TECR: variants seen among roughly 807,000 people sequenced by gnomAD.
TECR encodes very-long-chain enoyl-CoA reductase.
In TECR, 19 loss-of-function variants were observed where a neutral mutation model predicts 50.6. The ratio of observed to expected loss-of-function variants is 0.38; its 90% confidence interval spans 0.26 to 0.55. TECR has a LOEUF of 0.55. Among genes scored for constraint, TECR ranks in the 20% least tolerant of loss-of-function variants. The pLI is 0.79. For missense variants in TECR, 313 were observed against 408.3 expected (o/e 0.77, Z 2.01); for synonymous variants, 168 against 163.5 (o/e 1.03, Z -0.21).
At position 14,563,640 on chromosome 19, in the gene TECR, G is replaced by A; in HGVS notation, c.119-18G>A. The stretch of plus-strand genomic sequence containing the variant: ...CCCTGCCAGGCTGTGGGCTGTAACT[G>A]CCCTGTTCTCCCCGCAGATCCGCAG... On this transcript the variant is annotated intron_variant, in intron 3 of 12. Transcript: ENST00000215567. This position sits in a 1 kb window ranked among gnomAD's most constrained non-coding sequence, Gnocchi z 5.3. 6.2e-7 allele frequency: 1 copy of A among 1,610,726 alleles called. No individual in the cohort carries two copies. The highest frequency in any genetic ancestry group is 8.5e-7 in the Non-Finnish European group (1 of 1,179,828).
At chr19:14,539,130 C>G (rs1042564966) in intron 1 of TECR, among the ~76,000 whole-genome samples, 48 of 148,578 alleles carry the variant, frequency 3.2e-4, no homozygotes, top group African/African-American at 1.1e-3. Flanking sequence ...CCCACCACCA[C>G]GCCCGGCTAA....
chr19:14,563,354 TG>T lies in TECR; in HGVS notation c.118+98del, dbSNP rs373195944. 8.3e-7 allele frequency: 1 copy of T among 1,200,962 alleles called. No homozygotes were observed. The highest frequency in any genetic ancestry group is 1.7e-5 in the African/African-American group (1 of 59,212). The allele number at this position is 1,200,962 out of a possible 1,614,324, so 74.4% of individuals were successfully genotyped here. A position where few individuals can be genotyped will look rare whatever the true frequency, so the allele number is the denominator to read the frequency against. On this transcript the variant is annotated intron_variant, in intron 3 of 12. Coordinates refer to ENST00000215567, the MANE Select transcript of TECR (RefSeq NM_138501.6). This position sits in a 1 kb window ranked among gnomAD's most constrained non-coding sequence, Gnocchi z 5.3. Reference sequence around the variant, plus strand: ...ATCCTGCACCCCTCTCCCAGGGGCCTGCAGAGATGCCCCAGTGTGGCCCAGG... The same window carrying T: ...ATCCTGCACCCCTCTCCCAGGGGCCTCAGAGATGCCCCAGTGTGGCCCAGG...
intron 1 of TECR, among the ~76,000 whole-genome samples, chr19:14,535,506 CAAAAAAAAAAAAAAAAAAAAAAAAA>C (rs1172079027): frequency 5.8e-5 from 1 of 17,178 alleles, no homozygotes; most frequent in Non-Finnish European, 9.1e-5. Flanking sequence ...GACTCCGTCT[CAAAAAAAAAAAAAAAAAAAAAAAAA>C]AAAAAAAAAA....
intron 1 of TECR, among the ~76,000 whole-genome samples, chr19:14,546,331 A>G (rs1176024535): frequency 6.6e-6 from 1 of 151,938 alleles, no homozygotes; most frequent in Non-Finnish European, 1.5e-5. Context: ...TCACACCTGT[A>G]ATTTCAGCAC....
intron 1 of TECR, among the ~76,000 whole-genome samples, chr19:14,542,347 G>GGTTTTT (rs2073124658): frequency 2.5e-4 from 11 of 43,300 alleles, no homozygotes; most frequent in African/African-American, 8.1e-4. Context: ...ATGCCATAGT[G>GGTTTTT]TTTTTTTTTT....
chr19:14,554,692 T>C (rs2073655833), intron 1 of TECR, among the ~76,000 whole-genome samples: 1 of 152,108 alleles, frequency 6.6e-6, no homozygotes, highest in Non-Finnish European at 1.5e-5. Context: ...TCCTTCCCTG[T>C]ACCTCTCATC....
intron 1 of TECR, among the ~76,000 whole-genome samples, chr19:14,555,468 CAGAG>C (rs1407231963): frequency 1.1e-5 from 1 of 93,506 alleles, no homozygotes; most frequent in African/African-American, 4.3e-5. Context: ...TTTTTTTAGA[CAGAG>C]CCTCACTCTA....
chr19:14,542,287 A>C (rs1226904887), intron 1 of TECR, among the ~76,000 whole-genome samples: 3 of 149,076 alleles, frequency 2.0e-5, no homozygotes, highest in Non-Finnish European at 4.4e-5. Context: ...TTTTACCTAA[A>C]AGATTCCCTA....
intron 7 of TECR, among the ~76,000 whole-genome samples, chr19:14,564,499 GGCCT>G (rs201955901): frequency 0.33 from 24,399 of 73,254 alleles, 4,763 homozygotes; most frequent in Non-Finnish European, 0.38. Context: ...CGGGCCCCTA[GGCCT>G]GCCTATCCAC....
chr19:14,552,691 T>G (rs1359105839), intron 1 of TECR, among the ~76,000 whole-genome samples: 2 of 151,950 alleles, frequency 1.3e-5, no homozygotes, highest in Non-Finnish European at 2.9e-5. Context: ...CCCGCCACCA[T>G]GCCCGGCTAA....
chr19:14,556,908 C>T (rs2073747336), intron 1 of TECR, among the ~76,000 whole-genome samples: 2 of 152,218 alleles, frequency 1.3e-5, no homozygotes, highest in South Asian at 4.1e-4. Flanking sequence ...GCCTCTGCAC[C>T]GAAAGTATCT....
At chr19:14,549,652 A>C (rs2073425790) in intron 1 of TECR, among the ~76,000 whole-genome samples, 1 of 151,824 alleles carries the variant, frequency 6.6e-6, no homozygotes, top group Non-Finnish European at 1.5e-5. Flanking sequence ...GCCTCTTTAT[A>C]AAATACTGTA....
At chr19:14,538,392 G>T (rs1370465699) in intron 1 of TECR, among the ~76,000 whole-genome samples, 1 of 152,110 alleles carries the variant, frequency 6.6e-6, no homozygotes, top group East Asian at 1.9e-4. Context: ...TGCTCAGCAT[G>T]CTTCGCGGCC....
At chr19:14,549,992 C>T (rs1465274796) in intron 1 of TECR, among the ~76,000 whole-genome samples, 1 of 151,694 alleles carries the variant, frequency 6.6e-6, no homozygotes, top group Non-Finnish European at 1.5e-5. Flanking sequence ...CTTCAACTGC[C>T]ACTCCCTGTC....
chr19:14,563,363 G>T lies in TECR; in HGVS notation c.118+106G>T, dbSNP rs1599499135. On this transcript the variant is annotated intron_variant, in intron 3 of 12. Coordinates refer to ENST00000215567, the MANE Select transcript of TECR (RefSeq NM_138501.6). The surrounding 1 kb of genome is among the most constrained non-coding windows in gnomAD (Gnocchi z 5.3). ...CCCTCTCCCAGGGGCCTGCAGAGATGCCCCAGTGTGGCCCAGGCTTCTGGG... is the reference window on the plus strand; with the variant it reads ...CCCTCTCCCAGGGGCCTGCAGAGATTCCCCAGTGTGGCCCAGGCTTCTGGG... The T allele has an allele frequency of 4.4e-6, 5 of 1,146,392 alleles. No individual in the cohort carries two copies. In the South Asian group the frequency reaches 5.1e-5, roughly 12 times the overall value. The allele number at this position is 1,146,392 out of a possible 1,614,324, so 71.0% of individuals were successfully genotyped here.
intron 1 of TECR, among the ~76,000 whole-genome samples, chr19:14,539,839 T>A (rs2073034362): frequency 6.6e-6 from 1 of 151,292 alleles, no homozygotes; most frequent in South Asian, 2.1e-4. Context: ...ACCCCACTCA[T>A]CTCCTTCGCA....
intron 1 of TECR, among the ~76,000 whole-genome samples, chr19:14,561,372 A>C (rs1249753826): frequency 6.6e-6 from 1 of 152,088 alleles, no homozygotes; most frequent in East Asian, 1.9e-4. Context: ...CGACCCCTGT[A>C]TAATAGGATT....
In TECR at chr19:14,565,945, C is replaced by T. The variant is rs1485124684; in HGVS notation, c.*74C>T. The T allele has an allele frequency of 6.5e-7, 1 of 1,543,978 alleles. No homozygotes were observed. On this transcript the variant is annotated 3_prime_UTR_variant, in exon 13 of 13. Coordinates refer to ENST00000215567, the MANE Select transcript of TECR (RefSeq NM_138501.6). ...GGGAGGAGTGGGGCCCACAGCTCTCCAGCACCCGGAATAAAGCCCGCCTGC... is the reference window on the plus strand; with the variant it reads ...GGGAGGAGTGGGGCCCACAGCTCTCTAGCACCCGGAATAAAGCCCGCCTGC...
intron 1 of TECR, among the ~76,000 whole-genome samples, chr19:14,554,986 C>T (rs981054278): frequency 1.3e-5 from 2 of 151,750 alleles, no homozygotes; most frequent in African/African-American, 4.8e-5. Flanking sequence ...ACCATGTTAG[C>T]CTGGCTGGTC....
Sources: gnomAD v4.1 joint callset for allele counts (sites outside exome capture counted in the v4.1 genomes callset) on GRCh38, gnomAD v4.1.1 for gene constraint, Gnocchi (gnomAD v3.1) non-coding constraint, MANE v1.5 for transcripts, NCBI Gene and HGNC (gene_info 2026-07-23, HGNC 2026-07-21) for gene names.